Variants in SNW1 observed in about 807,000 individuals in gnomAD.
The protein encoded by SNW1 is SNW domain containing 1.
SNW1 carries 9 observed loss-of-function variants against 75.6 expected under a neutral mutation model. The ratio of observed to expected loss-of-function variants is 0.12; its 90% confidence interval spans 0.07 to 0.21. The LOEUF is 0.21. Among genes scored for constraint, SNW1 ranks in the 10% least tolerant of loss-of-function variants. The pLI, the probability that SNW1 is intolerant of heterozygous loss-of-function variation, is 1.00. For synonymous variants in SNW1, 200 were observed against 219.1 expected, an observed-to-expected ratio of 0.91 and a Z score of 0.77; for missense variants, 409 against 670.9, an observed-to-expected ratio of 0.61 and a Z score of 4.31.
intron 7 of SNW1, among the ~76,000 whole-genome samples, chr14:77,735,315 C>T (rs924268923): frequency 2.0e-5 from 3 of 151,978 alleles, no homozygotes; most frequent in Admixed American, 6.6e-5. Flanking sequence ...GACGGGGTTT[C>T]GCTTTTGTTG....
chr14:77,738,315 A>C (rs2080690506), intron 5 of SNW1, among the ~76,000 whole-genome samples: 1 of 151,168 alleles, frequency 6.6e-6, no homozygotes, highest in African/African-American at 2.4e-5. Context: ...CCCAAAAAAA[A>C]GCATAAAAAG....
chr14:77,729,340 CT>C (rs1373342530), intron 10 of SNW1, among the ~76,000 whole-genome samples: 1 of 152,158 alleles, frequency 6.6e-6, no homozygotes, highest in Admixed American at 6.5e-5. Flanking sequence ...TTAACTCCTA[CT>C]TTTTTTCGTA....
At chr14:77,760,122 CT>C (rs2080875526) in intron 1 of SNW1, among the ~76,000 whole-genome samples, 1 of 152,146 alleles carries the variant, frequency 6.6e-6, no homozygotes, top group Non-Finnish European at 1.5e-5. Context: ...CCTTGCACCC[CT>C]ATCTTCCCTG....
chr14:77,730,866 T>C (rs1479023655), intron 10 of SNW1, 122 bp downstream of exon 10: 1 of 958,586 alleles, frequency 1.0e-6, no homozygotes, highest in Non-Finnish European at 1.6e-6. Context: ...CTACACTATA[T>C]CTGATGTATC....
rs2080659251 is a variant in SNW1 at position 77,734,973 on chromosome 14, A to G, written c.748T>C (p.Cys250Arg). 1 of 1,611,852 alleles carries G rather than the reference A, an allele frequency of 6.2e-7. No individual in the cohort carries two copies. The highest frequency in any genetic ancestry group is 8.5e-7 in the Non-Finnish European group (1 of 1,178,132). Reference sequence around the variant, plus strand: ...TTTGCATTTTTCCAGTTAGAAATACAAGGAGGAATCTTCCACTCTTGTTGT... The same window carrying G: ...TTTGCATTTTTCCAGTTAGAAATACGAGGAGGAATCTTCCACTCTTGTTGT... Reference protein sequence around the residue: ...KEQQEWKIPPCISNWKNAKGY... With the variant: ...KEQQEWKIPPRISNWKNAKGY... Residue 250 changes from cysteine (C) to arginine (R), a missense_variant, in exon 8 of 14, where the codon TGT becomes CGT. Cys to Arg is a radical substitution (Grantham distance 180). Transcript: ENST00000261531.
At chr14:77,722,407 A>G (rs2080548825) in intron 11 of SNW1, 2 of 380,670 alleles carry the variant, frequency 5.3e-6, no homozygotes. Flanking sequence ...CTGATTTTCT[A>G]CTTCTTTCAA....
At chr14:77,727,762 A>G (rs546086747) in intron 10 of SNW1, among the ~76,000 whole-genome samples, 9 of 152,294 alleles carry the variant, frequency 5.9e-5, no homozygotes, top group South Asian at 2.1e-4. Context: ...ATGATGAATG[A>G]TATTTTTTAA....
chr14:77,720,563 C>T (rs773473265), intron 12 of SNW1, 148 bp downstream of exon 12: 3 of 775,742 alleles, frequency 3.9e-6, no homozygotes, highest in Admixed American at 3.4e-5. Flanking sequence ...AGAACTGTTT[C>T]ATCTTGTCTC....
intron 11 of SNW1, 102 bp downstream of exon 11, chr14:77,723,079 C>T (rs2080556125): frequency 9.4e-6 from 8 of 846,734 alleles, no homozygotes; most frequent in Non-Finnish European, 1.6e-5. Context: ...GATCTCCTGA[C>T]CTCGTGATCC....
At chr14:77,731,265 A>T (rs937249892) in intron 9 of SNW1, 136 bp from the exon 10 acceptor site, 8 of 951,602 alleles carry the variant, frequency 8.4e-6, no homozygotes, top group Non-Finnish European at 1.2e-5. Flanking sequence ...TAAAACAAAG[A>T]GTCTTGTCCA....
rs190948369 is a variant in SNW1, at chr14:77,754,934, T to G, written c.168+33A>C. The G allele has an allele frequency of 1.3e-4, 192 of 1,522,334 alleles. No individual in the cohort carries two copies. In the East Asian group the frequency reaches 4.2e-3, roughly 34 times the overall value. 94.3% of individuals were successfully genotyped at this position (1,522,334 alleles called of 1,614,324 possible). ...TGTGCTATAATAAATTTCAGCACAA[T>G]TTAACAAATCTAAACTTAAGATCTA... On this transcript the variant is annotated intron_variant, in intron 2 of 13. Transcript: ENST00000261531.
At chr14:77,730,814 C>G in intron 10 of SNW1, 174 bp downstream of exon 10, 1 of 633,108 alleles carries the variant, frequency 1.6e-6, no homozygotes, top group Non-Finnish European at 2.6e-6. Context: ...TTTCTTATCT[C>G]CTGTTGCTTC....
At chr14:77,727,269 G>A (rs1045864424) in intron 10 of SNW1, among the ~76,000 whole-genome samples, 1 of 152,056 alleles carries the variant, frequency 6.6e-6, no homozygotes, top group Non-Finnish European at 1.5e-5. Context: ...GGCCAGGCTG[G>A]TCTTGAACTC....
At chr14:77,734,913 A>G (rs759444071) in intron 8 of SNW1, 34 bp downstream of exon 8, 2 of 1,436,318 alleles carry the variant, frequency 1.4e-6, no homozygotes, top group African/African-American at 2.8e-5. Context: ...CCAGTAGGTT[A>G]TACTAATAGA....
chr14:77,727,754 G>A (rs906414822), intron 10 of SNW1, among the ~76,000 whole-genome samples: 7 of 152,164 alleles, frequency 4.6e-5, no homozygotes, highest in African/African-American at 1.7e-4. Context: ...AGTTGATTAT[G>A]ATGAATGATA....
At chr14:77,737,652 TACC>T (rs2080683585) in intron 5 of SNW1, among the ~76,000 whole-genome samples, 1 of 152,208 alleles carries the variant, frequency 6.6e-6, no homozygotes, top group Non-Finnish European at 1.5e-5. Context: ...TTAGGTCATA[TACC>T]ACAAGTAACT....
In SNW1 at chr14:77,747,514, C is replaced by T. The variant is rs184944407; in HGVS notation, c.330+3805G>A. Reference sequence around the variant, plus strand: ...CGCCCATCGTCTGAGATGTGGTGAGCGCCTCTGCCCCGCCGCCCGGTCTGG... The same window carrying T: ...CGCCCATCGTCTGAGATGTGGTGAGTGCCTCTGCCCCGCCGCCCGGTCTGG... On this transcript the variant is annotated intron_variant, in intron 3 of 13. Coordinates refer to ENST00000261531, the MANE Select transcript of SNW1 (RefSeq NM_012245.3). Among the ~76,000 whole-genome samples, 1,338 of 151,760 alleles carry T rather than the reference C, an allele frequency of 8.8e-3. 16 individuals carry two copies. The highest frequency in any genetic ancestry group is 0.031 in the African/African-American group (1,284 of 41,374).
chr14:77,723,427 G>A, intron 10 of SNW1, 150 bp from the exon 11 acceptor site: 3 of 629,846 alleles, frequency 4.8e-6, no homozygotes, highest in Non-Finnish European at 2.8e-6. Context: ...ATGGTTCACT[G>A]CAGCCACTAC....
intron 3 of SNW1, among the ~76,000 whole-genome samples, chr14:77,747,860 G>A (rs1354544297): frequency 3.3e-5 from 5 of 151,986 alleles, no homozygotes; most frequent in Non-Finnish European, 4.4e-5. Context: ...CGGCCGCCCC[G>A]TCTGGGAGGT....
Sources: gnomAD v4.1 joint callset for allele counts (sites outside exome capture counted in the v4.1 genomes callset) on GRCh38, gnomAD v4.1.1 for gene constraint, MANE v1.5 for transcripts, NCBI Gene and HGNC (gene_info 2026-07-23, HGNC 2026-07-21) for gene names.